AMY2B: variants seen among roughly 807,000 people sequenced by gnomAD.
AMY2B encodes the protein alpha-amylase 2B.
Under a neutral mutation model 59.3 loss-of-function variants are expected in AMY2B, and 63 were observed. That is an observed-to-expected ratio of 1.06 (90% CI 0.87 to 1.31). The LOEUF is 1.31. Ranked by LOEUF, AMY2B falls within the 50% of genes most tolerant of loss-of-function variation. The pLI is 0.00. For missense variants in AMY2B, 635 were observed against 626.7 expected (o/e 1.01, Z -0.14); for synonymous variants, 180 against 198.1 (o/e 0.91, Z 0.77).
At chr1:103,557,470 G>A (rs1651593862) in intron 1 of AMY2B, among the ~76,000 whole-genome samples, 1 of 151,992 alleles carries the variant, frequency 6.6e-6, no homozygotes, top group African/African-American at 2.4e-5. Flanking sequence ...TGGCCAACAC[G>A]ATGAGACCTC....
At position 103,579,377 on chromosome 1, in the gene AMY2B, T is replaced by G. The variant is rs1319003515; in HGVS notation, c.1413T>G (p.Asp471Glu). 5.0e-6 allele frequency: 8 copies of G among 1,611,688 alleles called. No homozygotes were observed. The highest frequency in any genetic ancestry group is 6.8e-6 in the Non-Finnish European group (8 of 1,179,736). The change falls in exon 10 of 10, where the codon GAT becomes GAG. Residue 471 changes from aspartate to glutamate, a missense_variant. Asp to Glu is a conservative substitution (Grantham distance 45). Coordinates refer to ENST00000684275, the MANE Select transcript of AMY2B (RefSeq NM_001387437.1). The part of the protein sequence containing the change: ...AGTYCDVISG[D>E]KINGNCTGIK... ...CATACTGTGATGTCATTTCTGGAGA[T>G]AAAATTAATGGCAATTGCACAGGCA...
Position 103,575,464 on chromosome 1 carries a change from T to A in AMY2B, c.1025T>A (p.Phe342Tyr), listed in dbSNP as rs1478364923. 2 of 1,613,696 alleles carry A rather than the reference T, an allele frequency of 1.2e-6. No homozygotes were observed. Among genetic ancestry groups the A allele is most frequent in the South Asian group, 2.2e-5 (2 of 91,056 alleles). The change falls in exon 7 of 10, where the codon TTT becomes TAT. Residue 342 changes from phenylalanine to tyrosine, a missense_variant. By Grantham distance (22) the Phe-to-Tyr change is conservative (BLOSUM62 3). Transcript: ENST00000684275. ...AGGCTGTATAAAATGGCAGTTGGAT[T>A]TATGCTTGCTCATCCTTATGGTTTT... ...DARLYKMAVG[F>Y]MLAHPYGFTR... is the part of the protein sequence containing the mutation.
intron 7 of AMY2B, chr1:103,575,752 G>A: frequency 3.2e-6 from 2 of 630,084 alleles, no homozygotes; most frequent in East Asian, 4.0e-5. Flanking sequence ...TCAGACATAT[G>A]ATAAACATCC....
chr1:103,561,163 A>G (rs1053474158), intron 1 of AMY2B, among the ~76,000 whole-genome samples: 5 of 152,188 alleles, frequency 3.3e-5, no homozygotes, highest in Non-Finnish European at 7.3e-5. Flanking sequence ...TTGAGAACCT[A>G]GTATGAAATC....
At chr1:103,557,076 A>G (rs1481211233) in intron 1 of AMY2B, among the ~76,000 whole-genome samples, 2 of 152,086 alleles carry the variant, frequency 1.3e-5, no homozygotes, top group Non-Finnish European at 2.9e-5. Context: ...GTCCCACCCT[A>G]TATTTTCTGA....
chr1:103,573,679 A>G, intron 3 of AMY2B, 29 bp from the exon 4 acceptor site: 2 of 1,612,750 alleles, frequency 1.2e-6, no homozygotes, highest in Non-Finnish European at 1.7e-6. Flanking sequence ...AGGTTTTATG[A>G]ATCAATCATA....
upstream of AMY2B, chr1:103,569,111 A>G (rs1007312243): frequency 2.6e-5 from 4 of 152,052 alleles, no homozygotes; most frequent in Admixed American, 6.6e-5. Flanking sequence ...AAACATCTGT[A>G]TGGGATTACC....
At chr1:103,558,543 G>A (rs749360249) in intron 1 of AMY2B, among the ~76,000 whole-genome samples, 25 of 152,056 alleles carry the variant, frequency 1.6e-4, no homozygotes, top group Middle Eastern at 3.4e-3. Flanking sequence ...TCAAAAAAAA[G>A]TATTAAAAGA....
At chr1:103,573,668 G>T (rs751575730) in intron 3 of AMY2B, 40 bp from the exon 4 acceptor site, 1 of 1,610,842 alleles carries the variant, frequency 6.2e-7, no homozygotes, top group South Asian at 1.1e-5. Context: ...TGTGAAAAAT[G>T]AGGTTTTATG....
At chr1:103,573,997 G>A in intron 4 of AMY2B, 59 bp downstream of exon 4, 1 of 1,611,926 alleles carries the variant, frequency 6.2e-7, no homozygotes, top group Non-Finnish European at 8.5e-7. Context: ...AATAATGGCA[G>A]ATTTAATTAA....
rs759212934 is a variant in AMY2B at position 103,575,338 on chromosome 1, G to A, written c.994G>A (p.Asp332Asn). The A allele has an allele frequency of 6.2e-7, 1 of 1,613,320 alleles. No individual in the cohort carries two copies. The highest frequency in any genetic ancestry group is 8.5e-7 in the Non-Finnish European group (1 of 1,179,660). The part of the protein sequence containing the change: ...AGGASILTFW[D>N]ARLYKMAVGF... ...AGGAGCCTCTATTCTTACCTTCTGGGATGCTAGGTAGAAAACCAAGTTCTC... is the reference window on the plus strand; with the variant it reads ...AGGAGCCTCTATTCTTACCTTCTGGAATGCTAGGTAGAAAACCAAGTTCTC... Residue 332 changes from aspartate to asparagine, a missense_variant, in exon 6 of 10, where the codon GAT (aspartate) becomes AAT (asparagine). Asp to Asn is a conservative substitution (Grantham distance 23). Transcript: ENST00000684275.
rs149817729 is a variant in AMY2B, at chr1:103,566,155, C to G, written c.-47+561C>G. Among the ~76,000 whole-genome samples, 138 of 152,224 alleles carry G rather than the reference C, an allele frequency of 9.1e-4. 1 individual carries two copies. Among genetic ancestry groups the G allele is most frequent in the African/African-American group, 3.2e-3 (133 of 41,574 alleles). On this transcript the variant is annotated intron_variant, in intron 2 of 11. Coordinates refer to the AMY2B transcript ENST00000361355. ...TTTACCTATCTCTTTTCATTGATGTCAAACCCATTCTTCAAGTCAATTTTA... is the reference window on the plus strand; with the variant it reads ...TTTACCTATCTCTTTTCATTGATGTGAAACCCATTCTTCAAGTCAATTTTA...
At chr1:103,557,022 CAAG>C (rs200121118) in intron 1 of AMY2B, among the ~76,000 whole-genome samples, 3,029 of 152,198 alleles carry the variant, frequency 0.02, 75 homozygotes, top group South Asian at 0.053. Context: ...TGATGATTTT[CAAG>C]AAGAATAGAG....
In AMY2B at chr1:103,575,265, A is replaced by C. The variant is rs766003851; in HGVS notation, c.921A>C (p.Ala307=). 1 of 1,613,680 alleles carries C rather than the reference A, an allele frequency of 6.2e-7. No homozygotes were observed. Among genetic ancestry groups the C allele is most frequent in the Non-Finnish European group, 8.5e-7 (1 of 1,179,674 alleles). Residue 307 remains alanine, a synonymous_variant, in exon 6 of 10, where the codon GCA becomes GCC. Transcript: ENST00000684275. ...GGGGTTTCATGCCTTCTGACAGAGC[A>C]CTTGTCTTTGTGGATAACCATGACA... The part of the protein sequence containing the change: ...EGWGFMPSDR[A]LVFVDNHDNQ...
rs561651261 is a variant in AMY2B at position 103,573,237 on chromosome 1, G to T, written c.490G>T (p.Glu164Ter). The change falls in exon 3 of 10, where the codon GAG becomes TAG. Residue 164 changes from glutamate (E) to a stop codon, truncating the protein, a stop_gained. Transcript: ENST00000684275. LOFTEE classifies it high-confidence loss of function. ...GKCKTGSGDI[E>*]NYNDATQVRD... ...ATGTAAAACTGGAAGTGGAGATATCGAGAACTACAATGATGCTACTCAGGT... is the reference window on the plus strand; with the variant it reads ...ATGTAAAACTGGAAGTGGAGATATCTAGAACTACAATGATGCTACTCAGGT... 6.2e-7 allele frequency: 1 copy of T among 1,613,582 alleles called. No individual in the cohort carries two copies. Among genetic ancestry groups the T allele is most frequent in the South Asian group, 1.1e-5 (1 of 91,066 alleles).
chr1:103,563,823 C>A (rs1403827510), intron 1 of AMY2B, among the ~76,000 whole-genome samples: 2 of 151,964 alleles, frequency 1.3e-5, no homozygotes, highest in East Asian at 3.9e-4. Flanking sequence ...GCCAGAAATC[C>A]TAAGCGAATA....
upstream of AMY2B, chr1:103,571,349 C>T: frequency 1.0e-6 from 1 of 999,230 alleles, no homozygotes; most frequent in Non-Finnish European, 1.4e-6. Flanking sequence ...AGCAATATAT[C>T]ATTGTGTATG....
At chr1:103,570,561 G>A (rs770593760), upstream of AMY2B, 76 of 601,636 alleles carry the variant, frequency 1.3e-4, no homozygotes, top group South Asian at 7.1e-4. Flanking sequence ...CAAGTACTCC[G>A]TGTGGATCAG....
At chr1:103,562,531 GAAAC>G (rs1398412421) in intron 1 of AMY2B, among the ~76,000 whole-genome samples, 1 of 152,050 alleles carries the variant, frequency 6.6e-6, no homozygotes, top group African/African-American at 2.4e-5. Context: ...TTTAGTAAGA[GAAAC>G]AACTAACTTG....
Sources: gnomAD v4.1 joint callset for allele counts (sites outside exome capture counted in the v4.1 genomes callset) on GRCh38, gnomAD v4.1.1 for gene constraint, MANE v1.5 for transcripts, NCBI Gene and HGNC (gene_info 2026-07-23, HGNC 2026-07-21) for gene names.